Variants in MTMR10 observed in about 807,000 individuals in gnomAD.
The protein encoded by MTMR10 is myotubularin related protein 10, also known as myotubularin-related protein 10.
A neutral mutation model predicts 88.1 loss-of-function variants in MTMR10; 56 were observed. The observed-to-expected ratio is 0.64, with a 90% CI of 0.51 to 0.79. The LOEUF (loss-of-function observed/expected upper bound fraction) is 0.79. Ranked by LOEUF, MTMR10 falls within the 30% of genes least tolerant of loss-of-function variation. The probability of loss-of-function intolerance (pLI) is 0.00; values close to 1 mark genes in which losing one functional copy is unlikely to be tolerated. For synonymous variants in MTMR10, 380 were observed against 340.9 expected (o/e 1.11, Z -1.26); for missense variants, 883 against 924.7 (o/e 0.95, Z 0.58).
intron 2 of MTMR10, 121 bp downstream of exon 2, chr15:30,990,656 C>T: frequency 4.8e-6 from 4 of 837,010 alleles, no homozygotes; most frequent in Non-Finnish European, 7.5e-6. Flanking sequence ...AGTCACTAGA[C>T]TTTTAACTGG....
intron 6 of MTMR10, among the ~76,000 whole-genome samples, chr15:30,961,837 C>A (rs1323675428): frequency 6.6e-6 from 1 of 152,182 alleles, no homozygotes; most frequent in African/African-American, 2.4e-5. Context: ...CCCTACCATT[C>A]TAACAGAAAC....
rs1043808599 is a variant in MTMR10, at chr15:30,940,185, G to T, written c.*1285C>A. The T allele has an allele frequency of 7.1e-6, 7 of 985,034 alleles. No homozygotes were observed. The East Asian group carries it at 4.6e-4, about 64-fold the overall frequency. The allele number at this position is 985,034 out of a possible 1,614,324, so 61.0% of individuals were successfully genotyped here. ...GTTTTAAGCGGGGAATGAGGAGTGTGGGGGAGGTGGTGCCCCGTTTCACTG... is the reference window on the plus strand; with the variant it reads ...GTTTTAAGCGGGGAATGAGGAGTGTTGGGGAGGTGGTGCCCCGTTTCACTG... On this transcript the variant is annotated 3_prime_UTR_variant, in exon 16 of 16. Transcript: ENST00000435680.
At chr15:30,929,705 TATC>T in the MTMR10 span, among the ~76,000 whole-genome samples, 3 of 103,212 alleles carry the variant, frequency 2.9e-5, 1 homozygote, top group Non-Finnish European at 5.2e-5. Flanking sequence ...ATATATATTA[TATC>T]ATATATAATA....
At chr15:30,927,933 G>A in the MTMR10 span, 3 of 985,820 alleles carry the variant, frequency 3.0e-6, no homozygotes, top group Non-Finnish European at 3.6e-6. Flanking sequence ...TAAAACATTT[G>A]TGTGACGTGA....
chr15:30,972,876 G>C (rs1239549036), intron 5 of MTMR10, among the ~76,000 whole-genome samples: 1 of 152,124 alleles, frequency 6.6e-6, no homozygotes, highest in Non-Finnish European at 1.5e-5. Context: ...TACAGTAAAA[G>C]AGGGAGAATT....
intron 2 of MTMR10, among the ~76,000 whole-genome samples, chr15:30,988,797 T>TG (rs2031118488): frequency 1.3e-5 from 2 of 152,136 alleles, no homozygotes; most frequent in Non-Finnish European, 1.5e-5. Flanking sequence ...AAGACCAGCC[T>TG]GGCCAACATG....
At chr15:30,953,820 T>C (rs1024079744) in intron 10 of MTMR10, among the ~76,000 whole-genome samples, 189 bp from the exon 11 acceptor site, 6 of 152,212 alleles carry the variant, frequency 3.9e-5, no homozygotes, top group Admixed American at 6.5e-5. Flanking sequence ...AAACAAAGCA[T>C]TCCCCTGGGG....
Position 30,942,022 on chromosome 15 carries a change from T to G in MTMR10, c.1782A>C (p.Gly594=). The G allele has an allele frequency of 6.2e-7, 1 of 1,613,998 alleles. No homozygotes were observed. Among genetic ancestry groups the G allele is most frequent in the South Asian group, 1.1e-5 (1 of 91,082 alleles). Residue 594 remains glycine, a synonymous_variant, in exon 16 of 16, where the codon GGA becomes GGC. Transcript: ENST00000435680. ...LRGMPSALKN[G]IISDQELLPR... is the part of the protein sequence containing the mutation. The stretch of plus-strand genomic sequence containing the variant: ...GAAGTAATTCTTGGTCACTGATGAT[T>G]CCATTCTTTAAGGCAGACGGCATTC...
intron 9 of MTMR10, 45 bp downstream of exon 9, chr15:30,958,818 A>G (rs1234686533): frequency 3.8e-6 from 6 of 1,583,032 alleles, no homozygotes; most frequent in Non-Finnish European, 4.3e-6. Context: ...GTAGTTACAC[A>G]ACAAGTAAAA....
rs535479946 is a variant in MTMR10 at position 30,951,439 on chromosome 15, A to G, written c.1207+529T>C. Among the ~76,000 whole-genome samples, 4 of 152,318 alleles carry G rather than the reference A, an allele frequency of 2.6e-5. No individual in the cohort carries two copies. In the South Asian group the frequency reaches 6.2e-4, roughly 24 times the overall value. Reference sequence around the variant, plus strand: ...ACCCTTCCCATAAAATAGGAAGGATAATTTAATAAAGGGTAAAAACTGGAC... The same window carrying G: ...ACCCTTCCCATAAAATAGGAAGGATGATTTAATAAAGGGTAAAAACTGGAC... On this transcript the variant is annotated intron_variant, in intron 12 of 15. Coordinates refer to ENST00000435680, the MANE Select transcript of MTMR10 (RefSeq NM_017762.3).
At chr15:30,937,176 G>T, downstream of MTMR10, 1 of 1,614,112 alleles carries the variant, frequency 6.2e-7, no homozygotes, top group Non-Finnish European at 8.5e-7. Context: ...GATCTGGCTG[G>T]CTGAACTGCA....
chr15:30,974,883 C>A, intron 4 of MTMR10, 48 bp downstream of exon 4: 1 of 1,247,724 alleles, frequency 8.0e-7, no homozygotes, highest in East Asian at 2.8e-5. Context: ...TCAAATAATA[C>A]TTCCAGAGTG....
At chr15:30,955,663 C>T (rs965275942) in intron 9 of MTMR10, among the ~76,000 whole-genome samples, 1 of 152,016 alleles carries the variant, frequency 6.6e-6, no homozygotes, top group Admixed American at 6.6e-5. Context: ...GGCGGGGCAG[C>T]ACTGCATTTA....
At position 30,941,715 on chromosome 15, in the gene MTMR10, G is replaced by A. The variant is rs773347604; in HGVS notation, c.2089C>T (p.Arg697Trp). 48 of 1,613,842 alleles carry A rather than the reference G, an allele frequency of 3.0e-5. No individual in the cohort carries two copies. The highest frequency in any genetic ancestry group is 5.0e-5 in the Admixed American group (3 of 60,004). The change falls in exon 16 of 16, where the codon CGG becomes TGG. Residue 697 changes from arginine to tryptophan, a missense_variant. Transcript: ENST00000435680. ...DEVDVLSRML[R>W]QQRSGPLEAC... ...TCCAGGGGGCCACTGCGCTGTTGCCGCAGCATCCTGCTCAGTACGTCGACT... is the reference window on the plus strand; with the variant it reads ...TCCAGGGGGCCACTGCGCTGTTGCCACAGCATCCTGCTCAGTACGTCGACT...
the MTMR10 span, among the ~76,000 whole-genome samples, chr15:30,930,998 G>T: frequency 6.6e-6 from 1 of 152,158 alleles, no homozygotes; most frequent in Non-Finnish European, 1.5e-5. Flanking sequence ...GTCACAACGG[G>T]TGTGGACACC....
rs753140768 is a variant in MTMR10 at position 30,991,548 on chromosome 15, G to A, written c.-42C>T. ...CGCCCCGTTCCCGTCGCGGGCCAGT[G>A]GCAGCGCCGACGCCTCCGGGCGTAA... On this transcript the variant is annotated 5_prime_UTR_variant, in exon 1 of 16. Coordinates refer to ENST00000435680, the MANE Select transcript of MTMR10 (RefSeq NM_017762.3). The A allele has an allele frequency of 2.0e-6, 3 of 1,530,676 alleles. No individual in the cohort carries two copies. Among genetic ancestry groups the A allele is most frequent in the East Asian group, 2.7e-5 (1 of 37,046 alleles). The allele number at this position is 1,530,676 out of a possible 1,614,324, so 94.8% of individuals were successfully genotyped here. A position where few individuals can be genotyped will look rare whatever the true frequency, so the allele number is the denominator to read the frequency against.
intron 12 of MTMR10, chr15:30,948,746 G>A (rs1182086005): frequency 6.0e-6 from 3 of 496,002 alleles, no homozygotes; most frequent in Non-Finnish European, 7.1e-6. Flanking sequence ...ATGGTTTGTG[G>A]TAGAAAATCC....
chr15:30,969,117 T>G (rs368118369), intron 5 of MTMR10, among the ~76,000 whole-genome samples: 19 of 152,144 alleles, frequency 1.2e-4, no homozygotes, highest in Admixed American at 5.9e-4. Context: ...TTGGAGTGGG[T>G]TGATGCACAT....
Position 30,940,625 on chromosome 15 carries a change from C to T in MTMR10, c.*845G>A, listed in dbSNP as rs2063013205. 3.0e-6 allele frequency: 3 copies of T among 985,684 alleles called. No homozygotes were observed. Among genetic ancestry groups the T allele is most frequent in the South Asian group, 4.7e-5 (1 of 21,292 alleles). The allele number at this position is 985,684 out of a possible 1,614,324, so 61.1% of individuals were successfully genotyped here. On this transcript the variant is annotated 3_prime_UTR_variant, in exon 16 of 16. Coordinates refer to ENST00000435680, the MANE Select transcript of MTMR10 (RefSeq NM_017762.3). ...GGCATAGATGGCACTCTCCTGTCTA[C>T]AGCATACACCTCTGTGGAATCAGCA...
Sources: allele counts gnomAD v4.1 joint callset (sites outside exome capture counted in the v4.1 genomes callset), GRCh38; gene constraint gnomAD v4.1.1; transcripts MANE v1.5; gene names NCBI Gene and HGNC (gene_info 2026-07-23, HGNC 2026-07-21).